Variants in LRRC2 observed in about 807,000 individuals in gnomAD.
The protein encoded by LRRC2 is leucine rich repeat containing 2.
In LRRC2, 27 loss-of-function variants were observed where a neutral mutation model predicts 40.2. That is an observed-to-expected ratio of 0.67 (90% CI 0.49 to 0.93). The LOEUF (loss-of-function observed/expected upper bound fraction) is 0.93, where lower values mean the gene tolerates loss of function less well. LRRC2 is among the 40% of genes least tolerant of loss of function. The pLI, the probability that LRRC2 is intolerant of heterozygous loss-of-function variation, is 0.00. For synonymous variants in LRRC2, 147 were observed against 158.9 expected (o/e 0.92, Z 0.56); for missense variants, 402 against 439.6 (o/e 0.91, Z 0.76).
At chr3:46,530,758 G>A (rs565674230) in intron 5 of LRRC2, among the ~76,000 whole-genome samples, 4 of 152,246 alleles carry the variant, frequency 2.6e-5, no homozygotes, top group Admixed American at 6.5e-5. Flanking sequence ...TTATTCTCAC[G>A]AGAACAGCAC....
At chr3:46,524,796 T>C (rs1704026928) in intron 7 of LRRC2, among the ~76,000 whole-genome samples, 1 of 152,182 alleles carries the variant, frequency 6.6e-6, no homozygotes, top group South Asian at 2.1e-4. Flanking sequence ...CTATATGCTA[T>C]GTATACCATA....
intron 3 of LRRC2, among the ~76,000 whole-genome samples, 186 bp from the exon 4 acceptor site, chr3:46,539,387 C>T (rs1704337680): frequency 6.6e-6 from 1 of 152,200 alleles, no homozygotes; most frequent in African/African-American, 2.4e-5. Flanking sequence ...AACTTCACAA[C>T]AGTATATTAG....
In LRRC2 at chr3:46,545,098, C is replaced by G; in HGVS notation, c.281G>C (p.Arg94Thr). The change falls in exon 3 of 9, where the codon AGA becomes ACA. Residue 94 changes from arginine (R) to threonine (T), a missense_variant. Coordinates refer to ENST00000395905, the MANE Select transcript of LRRC2 (RefSeq NM_024512.5). The stretch of plus-strand genomic sequence containing the variant: ...CACAAACGCACTGCTCCGTTTGCCT[C>G]TGTCCTTGGGAAGTGAACTCTGCCT... The part of the protein sequence containing the change: ...LTRQSSLPKD[R>T]GKRSSAFVFE... 1 of 1,614,022 alleles carries G rather than the reference C, an allele frequency of 6.2e-7. No individual in the cohort carries two copies. The highest frequency in any genetic ancestry group is 1.1e-5 in the South Asian group (1 of 91,076).
Position 46,557,009 on chromosome 3 carries a change from ATCTTC to A in LRRC2, c.-19-5404_-19-5400del, listed in dbSNP as rs371913777. 4.6e-3 allele frequency among the ~76,000 whole-genome samples: 705 copies of A among 152,252 alleles called. 9 individuals are homozygous for A. Among genetic ancestry groups the A allele is most frequent in the African/African-American group, 0.016 (671 of 41,546 alleles). ...TTGAGGGCTTGTTCATTTCAGATAAATCTTCTCTTCTATTTTTTGTTTCAGATTGG... is the reference window on the plus strand; with the variant it reads ...TTGAGGGCTTGTTCATTTCAGATAAATCTTCTATTTTTTGTTTCAGATTGG... On this transcript the variant is annotated intron_variant, in intron 1 of 8. Transcript: ENST00000395905.
chr3:46,562,118 A>G (rs1015437581), intron 1 of LRRC2, among the ~76,000 whole-genome samples: 1 of 152,176 alleles, frequency 6.6e-6, no homozygotes, highest in African/African-American at 2.4e-5. Context: ...AATGACTAGA[A>G]TGTGGTGAAA....
chr3:46,538,472 T>TA (rs912691371), intron 4 of LRRC2, among the ~76,000 whole-genome samples: 45 of 145,100 alleles, frequency 3.1e-4, no homozygotes, highest in African/African-American at 6.6e-4. Context: ...CCTTCTCTAC[T>TA]AAAAAAAAAA....
chr3:46,531,513 C>T (rs1261819037), intron 5 of LRRC2, among the ~76,000 whole-genome samples: 2 of 152,132 alleles, frequency 1.3e-5, no homozygotes, highest in African/African-American at 4.8e-5. Context: ...AACGGTTAGA[C>T]AGAATATATT....
chr3:46,563,606 G>A (rs996644326), intron 1 of LRRC2, among the ~76,000 whole-genome samples: 2 of 152,172 alleles, frequency 1.3e-5, no homozygotes, highest in African/African-American at 2.4e-5. Flanking sequence ...AAACCCGCCT[G>A]TTATTTTATT....
intron 2 of LRRC2, among the ~76,000 whole-genome samples, chr3:46,547,873 T>C (rs1407615165): frequency 6.6e-6 from 1 of 152,126 alleles, no homozygotes; most frequent in Non-Finnish European, 1.5e-5. Context: ...TATAACCATA[T>C]GATAAAAATG....
chr3:46,519,918 G>A (rs1336694772), intron 8 of LRRC2, among the ~76,000 whole-genome samples: 2 of 152,018 alleles, frequency 1.3e-5, no homozygotes, highest in East Asian at 1.9e-4. Context: ...CCATATCTAG[G>A]TCGAAACATT....
intron 1 of LRRC2, among the ~76,000 whole-genome samples, chr3:46,555,649 C>G (rs1160622930): frequency 1.3e-5 from 2 of 152,120 alleles, no homozygotes; most frequent in Non-Finnish European, 2.9e-5. Flanking sequence ...ATAGGTCCTC[C>G]TACATTCCCA....
At chr3:46,519,341 A>G (rs1326968980) in intron 8 of LRRC2, among the ~76,000 whole-genome samples, 4 of 152,230 alleles carry the variant, frequency 2.6e-5, no homozygotes, top group Admixed American at 2.0e-4. Flanking sequence ...CTACATCAAG[A>G]TCTTGGAAGC....
At chr3:46,548,414 A>T (rs1382753952) in intron 2 of LRRC2, among the ~76,000 whole-genome samples, 1 of 152,176 alleles carries the variant, frequency 6.6e-6, no homozygotes, top group Non-Finnish European at 1.5e-5. Flanking sequence ...CTATTTTTTT[A>T]ATTCCATTCT....
At chr3:46,536,019 A>G (rs1704262951) in intron 4 of LRRC2, among the ~76,000 whole-genome samples, 1 of 152,198 alleles carries the variant, frequency 6.6e-6, no homozygotes, top group Non-Finnish European at 1.5e-5. Context: ...GCCTGATCCT[A>G]GAGTCCACCT....
chr3:46,564,851 G>T (rs1705025126), intron 1 of LRRC2, among the ~76,000 whole-genome samples: 1 of 152,188 alleles, frequency 6.6e-6, no homozygotes, highest in African/African-American at 2.4e-5. Flanking sequence ...CAGCCTTGCT[G>T]TATCCAAGAG....
intron 3 of LRRC2, among the ~76,000 whole-genome samples, chr3:46,542,148 G>A (rs1704408150): frequency 1.3e-5 from 2 of 152,090 alleles, no homozygotes; most frequent in Non-Finnish European, 2.9e-5. Context: ...AGTGTCTCCA[G>A]ACCTCCAAGA....
At chr3:46,553,151 C>T (rs1017175140) in intron 1 of LRRC2, among the ~76,000 whole-genome samples, 7 of 145,134 alleles carry the variant, frequency 4.8e-5, no homozygotes, top group African/African-American at 7.7e-5. Context: ...TTTACATTTA[C>T]TTTTTGTTTT....
intron 2 of LRRC2, among the ~76,000 whole-genome samples, chr3:46,550,807 T>A (rs1267684218): frequency 6.6e-6 from 1 of 152,174 alleles, no homozygotes; most frequent in Non-Finnish European, 1.5e-5. Context: ...ATTGTGTCAA[T>A]CTTATATAAA....
chr3:46,543,637 T>TAATAATAATAATAATAATA (rs1473831610), intron 3 of LRRC2, among the ~76,000 whole-genome samples: 2 of 92,650 alleles, frequency 2.2e-5, no homozygotes, highest in Admixed American at 1.0e-4. Context: ...ATAATAATAA[T>TAATAATAATAATAATAATA]AATAATAATA....
Sources: allele counts gnomAD v4.1 joint callset (sites outside exome capture counted in the v4.1 genomes callset), GRCh38; gene constraint gnomAD v4.1.1; transcripts MANE v1.5; gene names NCBI Gene and HGNC (gene_info 2026-07-23, HGNC 2026-07-21).